Variants in HTR1F observed in about 807,000 individuals in gnomAD.
HTR1F encodes the protein 5-hydroxytryptamine (serotonin) receptor 1F, G protein-coupled.
Under a neutral mutation model 24.0 loss-of-function variants are expected in HTR1F, and 17 were observed. The ratio of observed to expected loss-of-function variants is 0.71; its 90% CI spans 0.48 to 1.06. The LOEUF (loss-of-function observed/expected upper bound fraction) is 1.06. Ranked by LOEUF, HTR1F falls within the 50% of genes least tolerant of loss-of-function variation. HTR1F has a pLI of 0.00. For missense variants in HTR1F, 391 were observed against 427.8 expected (o/e 0.91, Z 0.76); for synonymous variants, 186 against 156.8 (o/e 1.19, Z -1.39).
intron 2 of HTR1F, among the ~76,000 whole-genome samples, chr3:87,831,760 T>G (rs1704585326): frequency 6.6e-6 from 1 of 152,210 alleles, no homozygotes; most frequent in African/African-American, 2.4e-5. Context: ...AAAAGGCCTA[T>G]AAATATTCAG....
intron 1 of HTR1F, among the ~76,000 whole-genome samples, chr3:87,806,751 C>T: frequency 6.6e-6 from 1 of 151,966 alleles, no homozygotes; most frequent in Non-Finnish European, 1.5e-5. Flanking sequence ...TCCCTGTTTT[C>T]TTCTAAGAGT....
chr3:87,863,499 T>C (rs1289739915), intron 2 of HTR1F, among the ~76,000 whole-genome samples: 1 of 152,226 alleles, frequency 6.6e-6, no homozygotes. Flanking sequence ...CTACTTCCCA[T>C]ATACCTGCAG....
intron 2 of HTR1F, among the ~76,000 whole-genome samples, chr3:87,973,156 A>C (rs1193220236): frequency 2.6e-5 from 4 of 152,056 alleles, no homozygotes; most frequent in African/African-American, 9.7e-5. Context: ...GGGTGACAAG[A>C]GCAAAACTCT....
chr3:87,800,886 G>A (rs1374719341), intron 1 of HTR1F, among the ~76,000 whole-genome samples: 1 of 152,196 alleles, frequency 6.6e-6, no homozygotes, highest in Non-Finnish European at 1.5e-5. Context: ...CCCCAGAGAA[G>A]TTTCCTAATG....
intron 2 of HTR1F, among the ~76,000 whole-genome samples, chr3:87,970,424 C>T (rs998388650): frequency 6.6e-6 from 1 of 152,176 alleles, no homozygotes; most frequent in Non-Finnish European, 1.5e-5. Flanking sequence ...AGAAACTACA[C>T]TTTGAAAATT....
chr3:87,795,711 A>G (rs2107051064), intron 1 of HTR1F, among the ~76,000 whole-genome samples: 1 of 152,220 alleles, frequency 6.6e-6, no homozygotes, highest in East Asian at 1.9e-4. Context: ...AATTAGACAG[A>G]GAAGAAATAC....
At chr3:87,975,815 G>A (rs1013124175) in intron 2 of HTR1F, among the ~76,000 whole-genome samples, 3 of 152,220 alleles carry the variant, frequency 2.0e-5, no homozygotes, top group Non-Finnish European at 4.4e-5. Flanking sequence ...TGGAAGACCA[G>A]ATTGCATTTG....
At chr3:87,843,633 C>T (rs1477742822) in intron 2 of HTR1F, among the ~76,000 whole-genome samples, 1 of 150,162 alleles carries the variant, frequency 6.7e-6, no homozygotes, top group Non-Finnish European at 1.5e-5. Context: ...CACCCATTAA[C>T]TCATCATCTA....
At chr3:87,830,814 A>T (rs1404684626) in intron 2 of HTR1F, among the ~76,000 whole-genome samples, 1 of 152,228 alleles carries the variant, frequency 6.6e-6, no homozygotes, top group Non-Finnish European at 1.5e-5. Context: ...GACTTGCGCC[A>T]GAGATTTAAA....
intron 2 of HTR1F, among the ~76,000 whole-genome samples, chr3:87,846,495 A>ACAACTTTATC (rs1423560554): frequency 6.6e-6 from 1 of 151,978 alleles, no homozygotes; most frequent in Non-Finnish European, 1.5e-5. Context: ...CCAACTTTAT[A>ACAACTTTATC]CAACTTTATC....
rs764540990 is a variant in HTR1F, at chr3:87,991,473, T to G, written c.724T>G (p.Ser242Ala). Residue 242 changes from serine (S) to alanine (A), a missense_variant, in exon 3 of 3, where the codon TCC becomes GCC. Physicochemically the swap from Ser to Ala is moderately conservative, Grantham distance 99. Transcript: ENST00000319595. ...TGGTGAGAAAAGCACTAAATCAGTT[T>G]CCACATCCTATGTACTAGAAAAGTC... ...ESGEKSTKSV[S>A]TSYVLEKSLS... 6.2e-7 allele frequency: 1 copy of G among 1,614,092 alleles called. No individual in the cohort carries two copies. Among genetic ancestry groups the G allele is most frequent in the Non-Finnish European group, 8.5e-7 (1 of 1,179,994 alleles).
chr3:87,925,376 T>G (rs543480389), intron 2 of HTR1F, among the ~76,000 whole-genome samples: 2 of 152,106 alleles, frequency 1.3e-5, no homozygotes, highest in Non-Finnish European at 2.9e-5. Flanking sequence ...TCTTCTCAGT[T>G]ACTTGGGTCT....
chr3:87,934,817 T>C (rs1259132513), intron 2 of HTR1F, among the ~76,000 whole-genome samples: 1 of 152,020 alleles, frequency 6.6e-6, no homozygotes, highest in Non-Finnish European at 1.5e-5. Flanking sequence ...AAGTACGGAG[T>C]TGCATTAAAA....
chr3:87,958,902 C>A (rs1443376569), intron 2 of HTR1F, among the ~76,000 whole-genome samples: 1 of 151,594 alleles, frequency 6.6e-6, no homozygotes, highest in Non-Finnish European at 1.5e-5. Flanking sequence ...ACCACCACCA[C>A]CACCATGCAT....
intron 2 of HTR1F, among the ~76,000 whole-genome samples, chr3:87,853,558 C>G (rs1232027789): frequency 6.6e-6 from 1 of 152,016 alleles, no homozygotes; most frequent in African/African-American, 2.4e-5. Flanking sequence ...CATAGTAGAA[C>G]AATTCATATT....
chr3:87,972,112 C>A (rs1453209225), intron 2 of HTR1F, among the ~76,000 whole-genome samples: 1 of 152,096 alleles, frequency 6.6e-6, no homozygotes, highest in Admixed American at 6.6e-5. Flanking sequence ...TAGCAGGAAC[C>A]AAATTTTGTT....
Position 87,991,752 on chromosome 3 carries a change from C to A in HTR1F, c.1003C>A (p.Leu335Ile). The stretch of plus-strand genomic sequence containing the variant: ...AGAAATGTCCAATTTTTTGGCATGG[C>A]TTGGGTATCTCAATTCCCTTATAAA... The part of the protein sequence containing the change: ...SEEMSNFLAW[L>I]GYLNSLINPL... The change falls in exon 3 of 3, where the codon CTT becomes ATT. Residue 335 changes from leucine (L) to isoleucine (I), a missense_variant. Coordinates refer to ENST00000319595, the MANE Select transcript of HTR1F (RefSeq NM_001322209.2). The A allele has an allele frequency of 6.2e-7, 1 of 1,613,528 alleles. No homozygotes were observed. The highest frequency in any genetic ancestry group is 8.5e-7 in the Non-Finnish European group (1 of 1,179,574).
chr3:87,826,168 C>A (rs1704457924), intron 2 of HTR1F, among the ~76,000 whole-genome samples: 1 of 152,186 alleles, frequency 6.6e-6, no homozygotes, highest in Non-Finnish European at 1.5e-5. Context: ...GTTCTCCTGT[C>A]CTGCTATCAT....
intron 2 of HTR1F, among the ~76,000 whole-genome samples, chr3:87,968,244 C>T (rs1184687502): frequency 2.0e-5 from 3 of 151,722 alleles, no homozygotes; most frequent in African/African-American, 4.8e-5. Context: ...CAGAGTTTCA[C>T]TCTTGTTGCC....
Sources: gnomAD v4.1 joint callset for allele counts (sites outside exome capture counted in the v4.1 genomes callset) on GRCh38, gnomAD v4.1.1 for gene constraint, MANE v1.5 for transcripts, NCBI Gene and HGNC (gene_info 2026-07-23, HGNC 2026-07-21) for gene names.